Variants in GABPB1 observed in about 807,000 individuals in gnomAD.
The protein encoded by GABPB1 is GA-binding protein subunit beta-1.
In GABPB1, 15 loss-of-function variants were observed where a neutral mutation model predicts 45.9. The observed-to-expected ratio is 0.33, with a 90% CI of 0.22 to 0.50. The LOEUF is 0.50. GABPB1 is among the 20% of genes least tolerant of loss of function. The pLI, the probability that GABPB1 is intolerant of heterozygous loss-of-function variation, is 0.98. For synonymous variants in GABPB1, 143 were observed against 154.4 expected (o/e 0.93, Z 0.55); for missense variants, 252 against 457.5 (o/e 0.55, Z 4.10).
chr15:50,312,299 T>A (rs905294545), intron 1 of GABPB1, among the ~76,000 whole-genome samples: 1 of 152,174 alleles, frequency 6.6e-6, no homozygotes, highest in South Asian at 2.1e-4. Context: ...GTGGGATTTA[T>A]ATGGGTTTTT....
At chr15:50,291,605 C>T (rs564212601) in intron 6 of GABPB1, among the ~76,000 whole-genome samples, 4 of 151,300 alleles carry the variant, frequency 2.6e-5, no homozygotes, top group South Asian at 2.1e-4. Context: ...GGATTACAGG[C>T]GTAAGCCACC....
At chr15:50,346,264 C>T (rs558440274) in intron 1 of GABPB1, 1 of 152,000 alleles carries the variant, frequency 6.6e-6, no homozygotes, top group Non-Finnish European at 1.5e-5. Flanking sequence ...GAATATGAGA[C>T]AACAGAAAAA....
At chr15:50,285,878 C>T in intron 8 of GABPB1, 190 bp downstream of exon 8, 1 of 1,357,008 alleles carries the variant, frequency 7.4e-7, no homozygotes, top group South Asian at 1.9e-5. Context: ...TTCACTCACT[C>T]ATTCATTCAT....
At chr15:50,324,505 A>G (rs2047679377) in intron 1 of GABPB1, among the ~76,000 whole-genome samples, 1 of 146,518 alleles carries the variant, frequency 6.8e-6, no homozygotes, top group African/African-American at 2.5e-5. Context: ...CCCTCCAGTG[A>G]TCCAATGCCC....
At chr15:50,348,027 A>T (rs1171373355) in intron 1 of GABPB1, among the ~76,000 whole-genome samples, 1 of 126,032 alleles carries the variant, frequency 7.9e-6, no homozygotes, top group Non-Finnish European at 1.6e-5. Context: ...TGGGTGACAG[A>T]GTGAAACTCC....
chr15:50,279,125 C>A (rs922158923), intron 8 of GABPB1, among the ~76,000 whole-genome samples: 2 of 152,140 alleles, frequency 1.3e-5, no homozygotes, highest in Non-Finnish European at 2.9e-5. Flanking sequence ...TACAACCATA[C>A]CTCTTTATAT....
chr15:50,286,249 C>T (rs1041658520), intron 7 of GABPB1, 66 bp from the exon 8 acceptor site: 5 of 1,126,296 alleles, frequency 4.4e-6, no homozygotes, highest in Non-Finnish European at 6.0e-6. Context: ...TAAAACTAGT[C>T]TTGACATTGT....
At chr15:50,297,656 G>A (rs1014699137) in intron 6 of GABPB1, among the ~76,000 whole-genome samples, 5 of 152,264 alleles carry the variant, frequency 3.3e-5, no homozygotes, top group East Asian at 1.9e-4. Context: ...CCAACATGGC[G>A]AAACCCCATC....
At chr15:50,320,756 A>T (rs1404209979) in intron 1 of GABPB1, among the ~76,000 whole-genome samples, 1 of 152,190 alleles carries the variant, frequency 6.6e-6, no homozygotes, top group Non-Finnish European at 1.5e-5. Context: ...GAGATGTGAC[A>T]TTGGGAGCAG....
intron 1 of GABPB1, among the ~76,000 whole-genome samples, chr15:50,337,746 G>T (rs936065772): frequency 6.6e-6 from 1 of 152,156 alleles, no homozygotes; most frequent in South Asian, 2.1e-4. Context: ...CAGCCTGGGT[G>T]TCAGAGACAG....
intron 1 of GABPB1, among the ~76,000 whole-genome samples, chr15:50,316,903 T>G (rs1022102344): frequency 6.6e-6 from 1 of 152,110 alleles, no homozygotes; most frequent in Non-Finnish European, 1.5e-5. Flanking sequence ...GGCTGACTCA[T>G]TTCCCAACTC....
At chr15:50,326,881 CCT>C (rs1489333209) in intron 1 of GABPB1, among the ~76,000 whole-genome samples, 5 of 151,904 alleles carry the variant, frequency 3.3e-5, no homozygotes, top group East Asian at 1.9e-4. Flanking sequence ...ATGAATTGCC[CCT>C]GTTATGGTGC....
In GABPB1 at chr15:50,330,092, C is replaced by G. The variant is rs539757568; in HGVS notation, c.1-20294G>C. 6.6e-5 allele frequency among the ~76,000 whole-genome samples: 10 copies of G among 151,828 alleles called. No individual in the cohort carries two copies. In the East Asian group the frequency reaches 1.7e-3, roughly 26 times the overall value. On this transcript the variant is annotated intron_variant, in intron 1 of 8. Transcript: ENST00000380877. ...TGACTAATTCTAATTTTTGGAGAGA[C>G]GAGGTTTTGACATGTTGCCCAGGCT...
chr15:50,309,919 T>C, intron 1 of GABPB1, 121 bp from the exon 2 acceptor site: 1 of 566,346 alleles, frequency 1.8e-6, no homozygotes, highest in Non-Finnish European at 3.1e-6. Flanking sequence ...AAGAGTGTGC[T>C]ATGGTTAATT....
intron 1 of GABPB1, among the ~76,000 whole-genome samples, chr15:50,338,765 C>T (rs1265284345): frequency 3.3e-5 from 5 of 152,202 alleles, no homozygotes; most frequent in East Asian, 1.9e-4. Context: ...CCACCACACC[C>T]GGCCTAAACC....
chr15:50,283,497 CAT>C (rs1185137419), intron 8 of GABPB1, among the ~76,000 whole-genome samples: 1 of 151,620 alleles, frequency 6.6e-6, no homozygotes, highest in African/African-American at 2.4e-5. Context: ...AAACTGTAAA[CAT>C]AAATTTTTAG....
intron 8 of GABPB1, among the ~76,000 whole-genome samples, chr15:50,284,782 T>C (rs1202894741): frequency 6.6e-6 from 1 of 152,172 alleles, no homozygotes; most frequent in Non-Finnish European, 1.5e-5. Flanking sequence ...AAAAAGATCA[T>C]CTGACATATC....
chr15:50,311,146 A>C (rs1303595076), intron 1 of GABPB1, among the ~76,000 whole-genome samples: 1 of 152,180 alleles, frequency 6.6e-6, no homozygotes, highest in African/African-American at 2.4e-5. Context: ...ATGACAGTAG[A>C]ATATAGGTAA....
At chr15:50,301,525 G>C (rs2046747094) in intron 4 of GABPB1, among the ~76,000 whole-genome samples, 157 bp from the exon 5 acceptor site, 1 of 152,154 alleles carries the variant, frequency 6.6e-6, no homozygotes, top group South Asian at 2.1e-4. Context: ...CAGTGTAGGG[G>C]CACATCATGG....
Sources: allele counts gnomAD v4.1 joint callset (sites outside exome capture counted in the v4.1 genomes callset), GRCh38; gene constraint gnomAD v4.1.1; transcripts MANE v1.5; gene names NCBI Gene and HGNC (gene_info 2026-07-23, HGNC 2026-07-21).